The following SOX5 variants were observed in gnomAD, a reference collection of about 807,000 sequenced individuals.
SOX5 encodes SRY-box transcription factor 5, also known as transcription factor SOX-5.
In SOX5, 9 loss-of-function variants were observed where a neutral mutation model predicts 92.0. The observed-to-expected ratio is 0.10, with a 90% CI of 0.06 to 0.17. The LOEUF is 0.17. Ranked by LOEUF, SOX5 falls within the 10% of genes least tolerant of loss-of-function variation. The probability of loss-of-function intolerance (pLI) is 1.00; values close to 1 mark genes in which losing one functional copy is unlikely to be tolerated. For synonymous variants in SOX5, 344 were observed against 336.3 expected (o/e 1.02, Z -0.25); for missense variants, 642 against 944.5 (o/e 0.68, Z 4.20).
chr12:23,561,678 G>A (rs1416381711), intron 11 of SOX5, among the ~76,000 whole-genome samples: 2 of 152,064 alleles, frequency 1.3e-5, no homozygotes, highest in East Asian at 1.9e-4. Flanking sequence ...CACAAGGCCT[G>A]CTTTGCAAGT....
intron 4 of SOX5, among the ~76,000 whole-genome samples, chr12:24,093,714 A>G (rs1246046261): frequency 6.9e-6 from 1 of 144,934 alleles, no homozygotes; most frequent in Non-Finnish European, 1.5e-5. Context: ...TTTTAATTGA[A>G]TAAGACTGCA....
chr12:24,467,541 C>T (rs779482799), intron 1 of SOX5, among the ~76,000 whole-genome samples: 10 of 152,050 alleles, frequency 6.6e-5, no homozygotes, highest in Non-Finnish European at 1.5e-4. Context: ...AAAATTGGTA[C>T]GTGCAGGAAC....
intron 4 of SOX5, among the ~76,000 whole-genome samples, chr12:24,202,568 G>A (rs1304150583): frequency 6.6e-6 from 1 of 152,138 alleles, no homozygotes; most frequent in Non-Finnish European, 1.5e-5. Context: ...CTTGGACTAT[G>A]AGCCAATATT....
At chr12:23,969,501 G>A (rs1341962144) in intron 4 of SOX5, among the ~76,000 whole-genome samples, 1 of 152,156 alleles carries the variant, frequency 6.6e-6, no homozygotes, top group Non-Finnish European at 1.5e-5. Flanking sequence ...AGTTACAGCA[G>A]TTTTATCTCT....
chr12:24,317,418 C>A (rs1011318938), intron 2 of SOX5, among the ~76,000 whole-genome samples: 26 of 152,156 alleles, frequency 1.7e-4, no homozygotes, highest in African/African-American at 6.3e-4. Context: ...GTTTTCTATA[C>A]CCTTGTCAAC....
chr12:24,290,083 C>T (rs374163123), intron 2 of SOX5, among the ~76,000 whole-genome samples: 4 of 152,240 alleles, frequency 2.6e-5, no homozygotes, highest in African/African-American at 9.6e-5. Context: ...GTGTCTTCTG[C>T]CAGCATTCAT....
intron 3 of SOX5, among the ~76,000 whole-genome samples, chr12:24,258,001 C>T (rs893058846): frequency 2.0e-5 from 3 of 151,916 alleles, no homozygotes; most frequent in Admixed American, 6.5e-5. Context: ...GGTGAAACCC[C>T]GTCTCTACTA....
In SOX5 at chr12:23,532,641, T is replaced by A. The variant is rs555535148; in HGVS notation, c.*1578A>T. On this transcript the variant is annotated 3_prime_UTR_variant, in exon 15 of 15. Transcript: ENST00000451604. ...AGCAAGGGAAGAGCAGTGGCAAGGA[T>A]CCCTGGGTGCAGCCAGGCTCCATTT... 6.6e-6 allele frequency: 1 copy of A among 152,386 alleles called. No homozygotes were observed. The highest frequency in any genetic ancestry group is 1.9e-4 in the East Asian group (1 of 5,160). 9.4% of individuals were successfully genotyped at this position (152,386 alleles called of 1,614,324 possible).
intron 4 of SOX5, among the ~76,000 whole-genome samples, chr12:24,111,185 T>C (rs1419385872): frequency 1.1e-4 from 16 of 152,006 alleles, no homozygotes; most frequent in Admixed American, 1.0e-3. Context: ...TCACCCCCCA[T>C]TGAAAACACT....
At chr12:23,967,160 G>A (rs1202163898) in intron 4 of SOX5, among the ~76,000 whole-genome samples, 1 of 152,080 alleles carries the variant, frequency 6.6e-6, no homozygotes, top group Non-Finnish European at 1.5e-5. Context: ...TATATAAGAT[G>A]TATAGCATAA....
intron 4 of SOX5, among the ~76,000 whole-genome samples, chr12:24,039,579 T>C (rs1956335782): frequency 6.6e-6 from 1 of 152,192 alleles, no homozygotes; most frequent in Non-Finnish European, 1.5e-5. Context: ...AGGGGAAACA[T>C]ATATACCTGA....
At chr12:24,228,406 G>A (rs1432295898) in intron 3 of SOX5, among the ~76,000 whole-genome samples, 1 of 152,174 alleles carries the variant, frequency 6.6e-6, no homozygotes, top group Non-Finnish European at 1.5e-5. Flanking sequence ...TGAACTAAAA[G>A]TCTAACCTGG....
chr12:23,693,014 A>G (rs1275802199), intron 6 of SOX5, among the ~76,000 whole-genome samples: 1 of 152,058 alleles, frequency 6.6e-6, no homozygotes, highest in African/African-American at 2.4e-5. Context: ...TTTGACTATT[A>G]TGTCTTTTTG....
chr12:24,062,180 A>C (rs559282921), intron 4 of SOX5, among the ~76,000 whole-genome samples: 20 of 152,178 alleles, frequency 1.3e-4, no homozygotes, highest in Admixed American at 3.9e-4. Context: ...AAGGCACAAG[A>C]ATCTGGCCCA....
At chr12:24,502,462 A>G (rs892447131) in intron 1 of SOX5, among the ~76,000 whole-genome samples, 1 of 152,246 alleles carries the variant, frequency 6.6e-6, no homozygotes, top group African/African-American at 2.4e-5. Context: ...CATTGATGGA[A>G]TATAACCTAC....
At chr12:24,461,116 T>G (rs996991799) in intron 1 of SOX5, among the ~76,000 whole-genome samples, 3 of 152,230 alleles carry the variant, frequency 2.0e-5, no homozygotes, top group African/African-American at 7.2e-5. Context: ...GACAACACAT[T>G]TACAGAAGGA....
At chr12:24,456,626 T>TTAGG (rs1433929648) in intron 1 of SOX5, among the ~76,000 whole-genome samples, 1 of 152,164 alleles carries the variant, frequency 6.6e-6, no homozygotes, top group Admixed American at 6.5e-5. Flanking sequence ...TGAGGTTCAG[T>TTAGG]TAGGTCATGT....
chr12:23,919,047 G>C (rs1244063063), intron 1 of SOX5, among the ~76,000 whole-genome samples: 10 of 151,962 alleles, frequency 6.6e-5, no homozygotes, highest in Non-Finnish European at 1.5e-4. Flanking sequence ...CAAAAATCCA[G>C]AGACTGAAAG....
At chr12:24,123,739 C>T (rs1275779610) in intron 4 of SOX5, among the ~76,000 whole-genome samples, 1 of 152,170 alleles carries the variant, frequency 6.6e-6, no homozygotes, top group Admixed American at 6.5e-5. Flanking sequence ...GGCATAAATA[C>T]CATCAGGCAT....
Sources: allele counts gnomAD v4.1 joint callset (sites outside exome capture counted in the v4.1 genomes callset), GRCh38; gene constraint gnomAD v4.1.1; transcripts MANE v1.5; gene names NCBI Gene and HGNC (gene_info 2026-07-23, HGNC 2026-07-21).